The following FANCM variants were observed in gnomAD, a reference collection of about 807,000 sequenced individuals.
FANCM encodes FA complementation group M, also known as Fanconi anemia group M protein.
A neutral mutation model predicts 199.5 loss-of-function variants in FANCM; 140 were observed. The ratio of observed to expected loss-of-function variants is 0.70; its 90% CI spans 0.61 to 0.81. The LOEUF (loss-of-function observed/expected upper bound fraction) is 0.81, where lower values mean the gene tolerates loss of function less well. Ranked by LOEUF, FANCM falls within the 30% of genes least tolerant of loss-of-function variation. FANCM has a pLI of 0.00. For synonymous variants in FANCM, 840 were observed against 836.8 expected (o/e 1.00, Z -0.07); for missense variants, 2,410 against 2,421.4 (o/e 1.00, Z 0.10).
Position 45,148,869 on chromosome 14 carries a change from T to G in FANCM, c.792T>G (p.Ile264Met), listed in dbSNP as rs1308819914. 1 of 1,611,204 alleles carries G rather than the reference T, an allele frequency of 6.2e-7. No individual in the cohort carries two copies. The highest frequency in any genetic ancestry group is 1.7e-5 in the Admixed American group (1 of 60,006). The stretch of plus-strand genomic sequence containing the variant: ...AACAAGTTATTACTAACCTGCTAAT[T>G]GGGCAGATAGAGCTTCGTTCTGAAG... ...AVQQVITNLL[I>M]GQIELRSEDS... Residue 264 changes from isoleucine to methionine, a missense_variant, in exon 4 of 23, where the codon ATT becomes ATG. Transcript: ENST00000267430.
At chr14:45,156,067 GAGTT>G (rs1312097645) in intron 8 of FANCM, among the ~76,000 whole-genome samples, 1 of 152,160 alleles carries the variant, frequency 6.6e-6, no homozygotes, top group Non-Finnish European at 1.5e-5. Context: ...AGGAGAGAGA[GAGTT>G]ATAGAGGAGT....
intron 20 of FANCM, chr14:45,195,453 A>G (rs1483972263): frequency 6.9e-6 from 3 of 433,508 alleles, no homozygotes; most frequent in Non-Finnish European, 1.4e-5. Context: ...TGCGCTTATA[A>G]TAAACGTTTA....
At chr14:45,189,472 A>C in intron 20 of FANCM, 110 bp downstream of exon 20, 1 of 872,918 alleles carries the variant, frequency 1.1e-6, no homozygotes, top group South Asian at 1.6e-5. Flanking sequence ...AAAAATTAAC[A>C]AAAAAATTTT....
Position 45,154,678 on chromosome 14 carries a change from C to T in FANCM, c.1184-19C>T, listed in dbSNP as rs1433406562. The stretch of plus-strand genomic sequence containing the variant: ...GTTTTATTATTATTTATTTGAAAAC[C>T]TTTTCTTAATTTCTGAAGGGATGAC... On this transcript the variant is annotated intron_variant, in intron 6 of 22. Transcript: ENST00000267430. 6.5e-7 allele frequency: 1 copy of T among 1,527,766 alleles called. No homozygotes were observed. The highest frequency in any genetic ancestry group is 9.0e-7 in the Non-Finnish European group (1 of 1,113,298). The allele number at this position is 1,527,766 out of a possible 1,614,324, so 94.6% of individuals were successfully genotyped here.
chr14:45,154,554 T>G, intron 6 of FANCM, 143 bp from the exon 7 acceptor site: 1 of 583,246 alleles, frequency 1.7e-6, no homozygotes, highest in Non-Finnish European at 3.0e-6. Flanking sequence ...TATATGAATG[T>G]AGAACTGCAA....
At chr14:45,152,253 C>T (rs934651103) in intron 5 of FANCM, among the ~76,000 whole-genome samples, 1 of 152,090 alleles carries the variant, frequency 6.6e-6, no homozygotes, top group Non-Finnish European at 1.5e-5. Flanking sequence ...TGGTCTCGAC[C>T]TCCTGACCTC....
intron 18 of FANCM, 111 bp from the exon 19 acceptor site, chr14:45,187,669 TA>T: frequency 1.6e-6 from 1 of 614,198 alleles, no homozygotes; most frequent in Non-Finnish European, 3.0e-6. Flanking sequence ...TTGTGTAAAA[TA>T]TTTGCACAAG....
At chr14:45,183,584 A>G (rs1196688793) in intron 16 of FANCM, among the ~76,000 whole-genome samples, 190 bp from the exon 17 acceptor site, 3 of 152,186 alleles carry the variant, frequency 2.0e-5, no homozygotes, top group Non-Finnish European at 4.4e-5. Context: ...TACCTATACT[A>G]GTATTACTTA....
At chr14:45,143,659 A>G (rs1886138939) in intron 3 of FANCM, among the ~76,000 whole-genome samples, 4 of 150,074 alleles carry the variant, frequency 2.7e-5, no homozygotes, top group Admixed American at 1.3e-4. Context: ...TGATTTTAGT[A>G]GCTCTGAACG....
In FANCM at chr14:45,176,062, A is replaced by C. The variant is rs191339110; in HGVS notation, c.3308A>C (p.His1103Pro). The C allele has an allele frequency of 4.3e-6, 7 of 1,614,114 alleles. No homozygotes were observed. In the East Asian group the frequency reaches 1.6e-4, roughly 36 times the overall value. The change falls in exon 14 of 23, where the codon CAC (histidine) becomes CCC (proline). Residue 1103 changes from histidine to proline, a missense_variant. By Grantham distance (77) the His-to-Pro change is moderately conservative. Transcript: ENST00000267430. ...NLVPNNRVQI[H>P]RSPAQNLVGE... ...GTACCTAACAATCGTGTTCAAATAC[A>C]CAGAAGCCCTGCACAGAATTTAGTT...
chr14:45,167,236 A>G, intron 11 of FANCM, 73 bp downstream of exon 11: 2 of 878,448 alleles, frequency 2.3e-6, no homozygotes, highest in Non-Finnish European at 3.8e-6. Flanking sequence ...TTGATATAAT[A>G]TTTCTTGTTT....
intron 3 of FANCM, among the ~76,000 whole-genome samples, chr14:45,142,099 C>T (rs996901317): frequency 1.3e-5 from 2 of 151,996 alleles, no homozygotes; most frequent in Non-Finnish European, 2.9e-5. Flanking sequence ...CCCGTCTTCC[C>T]CTAATGTTAA....
Position 45,136,396 on chromosome 14 carries a change from C to T in FANCM, c.365C>T (p.Ala122Val). ...GGACTGGGAAAGACCTTTATTGCCGCCGTGGTCATGTACAATTTCTACCGC... is the reference window on the plus strand; with the variant it reads ...GGACTGGGAAAGACCTTTATTGCCGTCGTGGTCATGTACAATTTCTACCGC... ...PTGLGKTFIA[A>V]VVMYNFYRWF... Residue 122 changes from alanine (A) to valine (V), a missense_variant, in exon 1 of 23, where the codon GCC becomes GTC. By Grantham distance (64) the Ala-to-Val change is moderately conservative (BLOSUM62 0). Coordinates refer to ENST00000267430, the MANE Select transcript of FANCM (RefSeq NM_020937.4). 6.2e-7 allele frequency: 1 copy of T among 1,614,168 alleles called. No individual in the cohort carries two copies. The highest frequency in any genetic ancestry group is 1.1e-5 in the South Asian group (1 of 91,080).
rs1363299572 is a variant in FANCM, at chr14:45,175,451, G to C, written c.2697G>C (p.Arg899Ser). The stretch of plus-strand genomic sequence containing the variant: ...AAGAAGACCTACCAAATGATAAAAG[G>C]ACATCAGATACAGATGAAATTGCTG... ...IFQEDLPNDKRTSDTDEIAAT... is the reference protein window; with the variant it reads ...IFQEDLPNDKSTSDTDEIAAT... Residue 899 changes from arginine to serine, a missense_variant, in exon 14 of 23, where the codon AGG (arginine) becomes AGC (serine). By Grantham distance (110) the Arg-to-Ser change is moderately radical. Transcript: ENST00000267430. The C allele has an allele frequency of 6.2e-7, 1 of 1,600,428 alleles. No homozygotes were observed. The highest frequency in any genetic ancestry group is 8.5e-7 in the Non-Finnish European group (1 of 1,174,270).
chr14:45,189,380 G>A lies in FANCM; in HGVS notation c.5340+18G>A, dbSNP rs765324547. 5.8e-5 allele frequency: 90 copies of A among 1,553,518 alleles called. No individual in the cohort carries two copies. The highest frequency in any genetic ancestry group is 5.0e-4 in the Middle Eastern group (3 of 5,970). ...CACAGAAGGTATGGATCAAAGAAAG[G>A]AAAAATATCTTTAGATGGTTACCAG... On this transcript the variant is annotated intron_variant, in intron 20 of 22. Coordinates refer to ENST00000267430, the MANE Select transcript of FANCM (RefSeq NM_020937.4).
chr14:45,154,602 A>C, intron 6 of FANCM, 95 bp from the exon 7 acceptor site: 1 of 902,986 alleles, frequency 1.1e-6, no homozygotes. Flanking sequence ...TGAAAAACTT[A>C]CATTCATTGC....
rs538729337 is a variant in FANCM, at chr14:45,175,371, G to T, written c.2617G>T (p.Gly873Cys). 6.4e-7 allele frequency: 1 copy of T among 1,559,248 alleles called. No individual in the cohort carries two copies. The change falls in exon 14 of 23, where the codon GGT becomes TGT. Residue 873 changes from glycine (G) to cysteine (C), a missense_variant. Physicochemically the swap from Gly to Cys is radical, Grantham distance 159 (BLOSUM62 -3). Transcript: ENST00000267430. Reference protein sequence around the residue: ...KDQLKKENNHGIIDSVDNDRN... With the variant: ...KDQLKKENNHCIIDSVDNDRN... ...TCAGCTTAAAAAAGAAAATAATCAC[G>T]GTATTATAGATTCTGTAGATAATGA...
intron 5 of FANCM, 137 bp from the exon 6 acceptor site, chr14:45,153,783 G>C: frequency 1.3e-6 from 1 of 766,864 alleles, no homozygotes; most frequent in Admixed American, 1.8e-5. Context: ...GGTTATAGCA[G>C]TGTAGAAGGG....
Position 45,191,620 on chromosome 14 carries a change from A to G in FANCM, c.5340+2258A>G, listed in dbSNP as rs527980178. On this transcript the variant is annotated intron_variant, in intron 20 of 22. Transcript: ENST00000267430. The stretch of plus-strand genomic sequence containing the variant: ...TAGTGATACTTTGAAGAGGACTATG[A>G]AAAGGGATCAGTAGGGCTTAGTGGA... Among the ~76,000 whole-genome samples, 17 of 152,380 alleles carry G rather than the reference A, an allele frequency of 1.1e-4. No individual in the cohort carries two copies. The South Asian group carries it at 3.3e-3, about 30-fold the overall frequency.
Sources: gnomAD v4.1 joint callset for allele counts (sites outside exome capture counted in the v4.1 genomes callset) on GRCh38, gnomAD v4.1.1 for gene constraint, MANE v1.5 for transcripts, NCBI Gene and HGNC (gene_info 2026-07-23, HGNC 2026-07-21) for gene names.